CLCC1: variants seen among roughly 807,000 people sequenced by gnomAD.
CLCC1 encodes chloride channel CLIC like 1, also known as chloride channel CLIC-like protein 1.
Under a neutral mutation model 63.3 loss-of-function variants are expected in CLCC1, and 39 were observed. The observed-to-expected ratio is 0.62, with a 90% CI of 0.48 to 0.81. The LOEUF (loss-of-function observed/expected upper bound fraction) is 0.81, where lower values mean the gene tolerates loss of function less well. Among genes scored for constraint, CLCC1 ranks in the 30% least tolerant of loss-of-function variants. The pLI is 0.00. For synonymous variants in CLCC1, 217 were observed against 239.8 expected (o/e 0.90, Z 0.88); for missense variants, 549 against 669.4 (o/e 0.82, Z 1.98).
chr1:108,959,586 CCTAA>C (rs894193270), intron 2 of CLCC1, among the ~76,000 whole-genome samples: 2 of 152,054 alleles, frequency 1.3e-5, no homozygotes, highest in African/African-American at 4.8e-5. Flanking sequence ...TCTTACTGTG[CCTAA>C]CTGATAAATT....
intron 10 of CLCC1, among the ~76,000 whole-genome samples, chr1:108,937,748 G>T (rs929858756): frequency 6.6e-6 from 1 of 152,174 alleles, no homozygotes; most frequent in Non-Finnish European, 1.5e-5. Context: ...CTAGATTCAT[G>T]CCCATCATAT....
chr1:108,956,168 G>A (rs983330828), intron 2 of CLCC1, among the ~76,000 whole-genome samples: 2 of 151,308 alleles, frequency 1.3e-5, no homozygotes, highest in African/African-American at 4.9e-5. Context: ...TGGGTGCAGG[G>A]GCACACTGAG....
chr1:108,945,997 T>C (rs1485837138), intron 5 of CLCC1, among the ~76,000 whole-genome samples: 1 of 152,118 alleles, frequency 6.6e-6, no homozygotes, highest in African/African-American at 2.4e-5. Flanking sequence ...ATCCTGTCTC[T>C]ACTGAAAACA....
chr1:108,947,813 G>C, intron 4 of CLCC1, 95 bp from the exon 5 acceptor site: 1 of 793,778 alleles, frequency 1.3e-6, no homozygotes, highest in Non-Finnish European at 2.0e-6. Context: ...ATCAAGGTAA[G>C]GAGCTAGTTG....
chr1:108,939,249 T>C (rs1557892428), intron 10 of CLCC1, among the ~76,000 whole-genome samples: 2 of 145,454 alleles, frequency 1.4e-5, no homozygotes, highest in Non-Finnish European at 3.0e-5. Context: ...TATATAAATA[T>C]AGACAGATAT....
At position 108,934,785 on chromosome 1, in the gene CLCC1, T is replaced by G. The variant is rs150759040; in HGVS notation, c.1541A>C (p.Lys514Thr). Reference protein sequence around the residue: ...GNTEGSPAAEKAQLKSEAAGS... With the variant: ...GNTEGSPAAETAQLKSEAAGS... ...TGCGGCTTCAGACTTGAGCTGGGCC[T>G]TTTCCGCTGCGGGTGAACCTTCTGT... is the stretch of plus-strand genomic sequence containing the variant. Residue 514 changes from lysine (K) to threonine (T), a missense_variant, in exon 12 of 13, where the codon AAG (lysine) becomes ACG (threonine). Lys to Thr is a moderately conservative substitution (Grantham distance 78, BLOSUM62 -1). Transcript: ENST00000369969. The G allele has an allele frequency of 1.1e-5, 18 of 1,614,146 alleles. No individual in the cohort carries two copies. The highest frequency in any genetic ancestry group is 3.3e-5 in the Admixed American group (2 of 60,024).
At chr1:108,947,577 T>C in intron 5 of CLCC1, 34 bp downstream of exon 5, 2 of 1,209,440 alleles carry the variant, frequency 1.7e-6, no homozygotes, top group South Asian at 2.7e-5. Flanking sequence ...AAATATACAC[T>C]ATACGGATTA....
chr1:108,937,333 G>A lies in CLCC1; in HGVS notation c.1127C>T (p.Pro376Leu), dbSNP rs759789548. The A allele has an allele frequency of 3.1e-6, 5 of 1,614,080 alleles. No individual in the cohort carries two copies. The highest frequency in any genetic ancestry group is 4.2e-6 in the Non-Finnish European group (5 of 1,180,038). ...TTCCTCCTGCCGTCTTCTATCCCGTGGCCGAAGTGCCTGGGGAGGTTCGCT... is the reference window on the plus strand; with the variant it reads ...TTCCTCCTGCCGTCTTCTATCCCGTAGCCGAAGTGCCTGGGGAGGTTCGCT... Reference protein sequence around the residue: ...PESEPPQALRPRDRRRQEEID... With the variant: ...PESEPPQALRLRDRRRQEEID... The change falls in exon 11 of 13, where the codon CCA (proline) becomes CTA (leucine). Residue 376 changes from proline to leucine, a missense_variant. Coordinates refer to ENST00000369969, the MANE Select transcript of CLCC1 (RefSeq NM_001377458.1).
chr1:108,950,272 T>A (rs769417367), intron 3 of CLCC1, 37 bp downstream of exon 3: 1 of 1,586,356 alleles, frequency 6.3e-7, no homozygotes, highest in Non-Finnish European at 8.6e-7. Flanking sequence ...ATGGGACTGA[T>A]AAGGTCTCAC....
chr1:108,939,992 T>C (rs1183832142), intron 9 of CLCC1, 53 bp downstream of exon 9: 1 of 1,428,694 alleles, frequency 7.0e-7, no homozygotes, highest in Non-Finnish European at 9.7e-7. Flanking sequence ...TTCTTTAAAA[T>C]ACAAGGGATT....
intron 3 of CLCC1, 134 bp downstream of exon 3, chr1:108,950,175 T>C: frequency 1.1e-6 from 1 of 933,574 alleles, no homozygotes; most frequent in African/African-American, 1.7e-5. Context: ...ATTAACAGTG[T>C]CAAGAAAATA....
At chr1:108,943,696 C>T in intron 6 of CLCC1, 81 bp from the exon 7 acceptor site, 2 of 1,557,780 alleles carry the variant, frequency 1.3e-6, no homozygotes, top group Non-Finnish European at 1.8e-6. Flanking sequence ...AGCACAAAAT[C>T]ATTTCTACAA....
At chr1:108,941,541 G>A in intron 7 of CLCC1, 43 bp from the exon 8 acceptor site, 1 of 1,503,798 alleles carries the variant, frequency 6.6e-7, no homozygotes, top group Non-Finnish European at 9.2e-7. Context: ...CGTTACCTAT[G>A]AAGGTTAGGC....
intron 1 of CLCC1, 88 bp downstream of exon 1, chr1:108,963,273 G>A (rs1039867323): frequency 7.6e-6 from 5 of 656,866 alleles, no homozygotes; most frequent in African/African-American, 7.2e-5. Flanking sequence ...CCCAGCGTCT[G>A]CGCCGCGAGT....
Position 108,934,829 on chromosome 1 carries a change from G to A in CLCC1, c.1497C>T (p.Gly499=), listed in dbSNP as rs756149947. 6.2e-7 allele frequency: 1 copy of A among 1,614,164 alleles called. No homozygotes were observed. The highest frequency in any genetic ancestry group is 1.1e-5 in the South Asian group (1 of 91,080). ...ESSQSAKPVS[G]QDTSGNTEGS... ...CTTCTGTATTCCCTGATGTGTCTTG[G>A]CCAGAGACAGGCTTGGCCGACTGGC... The change falls in exon 12 of 13, where the codon GGC becomes GGT. Residue 499 remains glycine, a synonymous_variant. Transcript: ENST00000369969.
intron 7 of CLCC1, 36 bp downstream of exon 7, chr1:108,943,439 G>A: frequency 6.3e-7 from 1 of 1,587,742 alleles, no homozygotes; most frequent in African/African-American, 1.4e-5. Context: ...GTGAATAAAT[G>A]TGTTAAAATT....
At chr1:108,938,633 G>A (rs1026971828) in intron 10 of CLCC1, among the ~76,000 whole-genome samples, 3 of 152,112 alleles carry the variant, frequency 2.0e-5, no homozygotes, top group Non-Finnish European at 4.4e-5. Flanking sequence ...GAGGGATGAC[G>A]AGTAATATTT....
chr1:108,932,640 G>A (rs2101596562), intron 12 of CLCC1, 139 bp from the exon 13 acceptor site: 1 of 152,304 alleles, frequency 6.6e-6, no homozygotes, highest in African/African-American at 2.4e-5. Flanking sequence ...CTACTTTTCA[G>A]AGTCAGATCA....
Position 108,934,736 on chromosome 1 carries a change from TGTGCTGCCTTG to T in CLCC1, c.1579_1589del (p.Gln527IlefsTer58), listed in dbSNP as rs1457769830. ...CAGCCACACCTCTTGCGGGGCTGTA[TGTGCTGCCTTG>T]GTCTGGGCTGCCTGCGGCTTCAGAC... On this transcript the variant is annotated frameshift_variant, in exon 12 of 13. Transcript: ENST00000369969. LOFTEE classifies it high-confidence loss of function. 1 of 1,614,182 alleles carries T rather than the reference TGTGCTGCCTTG, an allele frequency of 6.2e-7. No individual in the cohort carries two copies. The highest frequency in any genetic ancestry group is 8.5e-7 in the Non-Finnish European group (1 of 1,180,032).
Sources: gnomAD v4.1 joint callset for allele counts (sites outside exome capture counted in the v4.1 genomes callset) on GRCh38, gnomAD v4.1.1 for gene constraint, MANE v1.5 for transcripts, NCBI Gene and HGNC (gene_info 2026-07-23, HGNC 2026-07-21) for gene names.